Variants in RBP4 observed in about 807,000 individuals in gnomAD.
The protein encoded by RBP4 is retinol binding protein 4.
Under a neutral mutation model 26.2 loss-of-function variants are expected in RBP4, and 9 were observed. That is an observed-to-expected ratio of 0.34 (90% CI 0.21 to 0.60). The LOEUF (loss-of-function observed/expected upper bound fraction) is 0.60, where lower values mean the gene tolerates loss of function less well. Among genes scored for constraint, RBP4 ranks in the 20% least tolerant of loss-of-function variants. The probability of loss-of-function intolerance (pLI) is 0.80; values close to 1 mark genes in which losing one functional copy is unlikely to be tolerated. For missense variants in RBP4, 244 were observed against 271.3 expected (o/e 0.90, Z 0.71); for synonymous variants, 114 against 111.0 (o/e 1.03, Z -0.17).
chr10:93,592,413 C>T (rs984997304), intron 5 of RBP4, among the ~76,000 whole-genome samples: 3 of 152,116 alleles, frequency 2.0e-5, no homozygotes, highest in African/African-American at 7.2e-5. Context: ...TTCAAAGTGT[C>T]GGAGGCCACC....
At position 93,593,814 on chromosome 10, in the gene RBP4, C is replaced by G; in HGVS notation, c.568+9G>C. The G allele has an allele frequency of 6.2e-7, 1 of 1,611,258 alleles. No homozygotes were observed. The highest frequency in any genetic ancestry group is 8.5e-7 in the Non-Finnish European group (1 of 1,179,838). On this transcript the variant is annotated intron_variant, in intron 5 of 5. Transcript: ENST00000371464. ...GGAAGAGCCAGAAGGCACCCTGCTC[C>G]TGACTCACCGTTGTGGACGATCAGC...
At chr10:93,593,433 G>T (rs748520509) in intron 5 of RBP4, among the ~76,000 whole-genome samples, 1 of 152,108 alleles carries the variant, frequency 6.6e-6, no homozygotes, top group Non-Finnish European at 1.5e-5. Flanking sequence ...GAGTTTTTAC[G>T]TCAATGGCCA....
upstream of RBP4, chr10:93,601,572 C>A: frequency 1.5e-6 from 1 of 682,516 alleles, no homozygotes; most frequent in Non-Finnish European, 2.7e-6. Context: ...TCGAGTCAAC[C>A]TGGCGGGAAG....
intron 4 of RBP4, among the ~76,000 whole-genome samples, chr10:93,598,114 C>A (rs188124689): frequency 2.0e-5 from 3 of 152,326 alleles, no homozygotes. Flanking sequence ...TCTATGGGCC[C>A]CAGTTTCTTC....
chr10:93,596,513 G>A (rs1328364106), intron 4 of RBP4, among the ~76,000 whole-genome samples: 2 of 152,176 alleles, frequency 1.3e-5, no homozygotes, highest in African/African-American at 2.4e-5. Context: ...GGGCTCCTCT[G>A]GAGAACCAGA....
chr10:93,600,837 C>CG (rs2058332462), intron 2 of RBP4, 34 bp from the exon 3 acceptor site: 5 of 696,890 alleles, frequency 7.2e-6, no homozygotes, highest in Non-Finnish European at 1.1e-5. Context: ...GTTTGGCGTC[C>CG]GGGGGCGCAC....
At chr10:93,600,250 G>C in intron 4 of RBP4, 143 bp downstream of exon 4, 1 of 761,410 alleles carries the variant, frequency 1.3e-6, no homozygotes, top group Non-Finnish European at 2.3e-6. Flanking sequence ...CCTAACCTCA[G>C]GTGGTGCTGC....
chr10:93,600,763 T>A lies in RBP4; in HGVS notation c.152A>T (p.Glu51Val), dbSNP rs781035891. Residue 51 changes from glutamate to valine, a missense_variant, in exon 3 of 6, where the codon GAG becomes GTG. Glu to Val is a moderately radical substitution (Grantham distance 121). Coordinates refer to ENST00000371464, the MANE Select transcript of RBP4 (RefSeq NM_006744.4). ...GATGTTGTCCTGCAGAAAGAGGCCC[T>A]CGGGGTCCTTCTTGGCCATGGCGTA... ...TWYAMAKKDP[E>V]GLFLQDNIVA... The A allele has an allele frequency of 6.2e-7, 1 of 1,610,226 alleles. No homozygotes were observed. The highest frequency in any genetic ancestry group is 8.5e-7 in the Non-Finnish European group (1 of 1,178,304).
intron 4 of RBP4, among the ~76,000 whole-genome samples, chr10:93,600,045 C>A (rs557208999): frequency 1.3e-5 from 2 of 152,048 alleles, no homozygotes; most frequent in Admixed American, 1.3e-4. Flanking sequence ...CCCAAAGAGA[C>A]GGAGGAAATG....
chr10:93,594,208 CA>C (rs1288551860), intron 4 of RBP4, among the ~76,000 whole-genome samples, 173 bp from the exon 5 acceptor site: 2 of 152,104 alleles, frequency 1.3e-5, no homozygotes, highest in Non-Finnish European at 2.9e-5. Context: ...TTTGGCAAAT[CA>C]GAAAGGATCT....
In RBP4 at chr10:93,600,489, C is replaced by A; in HGVS notation, c.259G>T (p.Val87Leu). 6.2e-7 allele frequency: 1 copy of A among 1,614,150 alleles called. No homozygotes were observed. The highest frequency in any genetic ancestry group is 8.5e-7 in the Non-Finnish European group (1 of 1,180,028). The change falls in exon 4 of 6, where the codon GTG (valine) becomes TTG (leucine). Residue 87 changes from valine to leucine, a missense_variant. Coordinates refer to ENST00000371464, the MANE Select transcript of RBP4 (RefSeq NM_006744.4). ...AAGGTGCCCACCATGTCTGCGCACA[C>A]GTCCCAGTTACTGCAAAAGCCAAGG... ...GRVRLLNNWD[V>L]CADMVGTFTD...
At chr10:93,600,615 C>G in intron 3 of RBP4, 52 bp downstream of exon 3, 1 of 1,612,504 alleles carries the variant, frequency 6.2e-7, no homozygotes, top group Non-Finnish European at 8.5e-7. Flanking sequence ...CAGGCAGGGC[C>G]CTTGGGGAAC....
intron 4 of RBP4, among the ~76,000 whole-genome samples, chr10:93,599,377 T>C (rs1450380675): frequency 3.3e-5 from 5 of 152,188 alleles, no homozygotes; most frequent in Non-Finnish European, 5.9e-5. Context: ...AGGGTTACAA[T>C]AAAGGACACT....
Position 93,600,937 on chromosome 10 carries a change from T to G in RBP4, c.92A>C (p.Glu31Ala). 6.2e-7 allele frequency: 1 copy of G among 1,612,464 alleles called. No individual in the cohort carries two copies. ...DCRVSSFRVK[E>A]NFDKARFSGT... ...ACCTACGCGAGCCTTGTCGAAGTTCTCCTTGACTCGGAAGCTGCTCACTCG... is the reference window on the plus strand; with the variant it reads ...ACCTACGCGAGCCTTGTCGAAGTTCGCCTTGACTCGGAAGCTGCTCACTCG... The change falls in exon 2 of 6, where the codon GAG (glutamate) becomes GCG (alanine). Residue 31 changes from glutamate (E) to alanine (A), a missense_variant. Transcript: ENST00000371464.
chr10:93,601,554 C>G, upstream of RBP4: 1 of 664,882 alleles, frequency 1.5e-6, no homozygotes, highest in South Asian at 1.7e-5. Flanking sequence ...GTGGCTCTGG[C>G]AGGAGGCTCG....
rs1204769817 is a variant in RBP4 at position 93,591,987 on chromosome 10, G to A, written c.*88C>T. The A allele has an allele frequency of 8.9e-7, 1 of 1,126,150 alleles. No individual in the cohort carries two copies. Among genetic ancestry groups the A allele is most frequent in the African/African-American group, 1.5e-5 (1 of 65,324 alleles). The allele number at this position is 1,126,150 out of a possible 1,614,324, so 69.8% of individuals were successfully genotyped here. The stretch of plus-strand genomic sequence containing the variant: ...TGGGAACTGAGGGAAGATGGGGAGA[G>A]AAGGGCAAATTAAACTCCTAAGATA... On this transcript the variant is annotated 3_prime_UTR_variant, in exon 6 of 6. Coordinates refer to ENST00000371464, the MANE Select transcript of RBP4 (RefSeq NM_006744.4).
At chr10:93,592,842 G>C (rs1361741623) in intron 5 of RBP4, among the ~76,000 whole-genome samples, 1 of 151,902 alleles carries the variant, frequency 6.6e-6, no homozygotes, top group African/African-American at 2.4e-5. Context: ...TTTTGAGGCA[G>C]AATCTTGCTC....
Position 93,593,993 on chromosome 10 carries a change from G to A in RBP4, c.398C>T (p.Ala133Val). Residue 133 changes from alanine to valine, a missense_variant, in exon 5 of 6, where the codon GCC (alanine) becomes GTC (valine). Coordinates refer to ENST00000371464, the MANE Select transcript of RBP4 (RefSeq NM_006744.4). ...CAGGAGGCGGCAGGAGTACTGCACG[G>A]CATACGTGTCGTAGTCTGTGTCGAC... ...WIVDTDYDTY[A>V]VQYSCRLLNL... The A allele has an allele frequency of 6.2e-7, 1 of 1,613,806 alleles. No homozygotes were observed. Among genetic ancestry groups the A allele is most frequent in the Non-Finnish European group, 8.5e-7 (1 of 1,180,020 alleles).
chr10:93,597,675 G>C (rs1216693072), intron 4 of RBP4, among the ~76,000 whole-genome samples: 1 of 152,194 alleles, frequency 6.6e-6, no homozygotes, highest in Non-Finnish European at 1.5e-5. Context: ...TTCAACTGTA[G>C]AGATTGATCA....
Sources: allele counts gnomAD v4.1 joint callset (sites outside exome capture counted in the v4.1 genomes callset), GRCh38; gene constraint gnomAD v4.1.1; transcripts MANE v1.5; gene names NCBI Gene and HGNC (gene_info 2026-07-23, HGNC 2026-07-21).